The following RSRC1 variants were observed in gnomAD, a reference collection of about 807,000 sequenced individuals.
The protein encoded by RSRC1 is serine/Arginine-related protein 53.
In RSRC1, 39 loss-of-function variants were observed where a neutral mutation model predicts 49.1. That is an observed-to-expected ratio of 0.79 (90% confidence interval 0.61 to 1.04). The LOEUF (loss-of-function observed/expected upper bound fraction) is 1.04. Among genes scored for constraint, RSRC1 ranks in the 50% least tolerant of loss-of-function variants. The pLI, the probability that RSRC1 is intolerant of heterozygous loss-of-function variation, is 0.00. For synonymous variants in RSRC1, 143 were observed against 130.8 expected, an observed-to-expected ratio of 1.09 and a Z score of -0.63; for missense variants, 388 against 402.4, an observed-to-expected ratio of 0.96 and a Z score of 0.31.
At chr3:158,376,685 G>A (rs1022380772) in intron 6 of RSRC1, among the ~76,000 whole-genome samples, 1 of 152,140 alleles carries the variant, frequency 6.6e-6, no homozygotes, top group Non-Finnish European at 1.5e-5. Flanking sequence ...TTTGTGTGGT[G>A]TCAAGTGTTT....
At chr3:158,207,477 GGAGA>G (rs900928426) in intron 4 of RSRC1, among the ~76,000 whole-genome samples, 8 of 151,968 alleles carry the variant, frequency 5.3e-5, no homozygotes, top group East Asian at 1.9e-4. Flanking sequence ...AAAAATTTGT[GGAGA>G]GAGAGAGAGG....
At chr3:158,257,779 C>T (rs1724652334) in intron 4 of RSRC1, among the ~76,000 whole-genome samples, 1 of 151,922 alleles carries the variant, frequency 6.6e-6, no homozygotes, top group Non-Finnish European at 1.5e-5. Flanking sequence ...TATTTTCTTG[C>T]TTTTATTTTT....
chr3:158,456,626 G>C (rs1578502944), intron 6 of RSRC1, among the ~76,000 whole-genome samples: 1 of 152,168 alleles, frequency 6.6e-6, no homozygotes. Context: ...GTTGTTGATT[G>C]GGGAAGGCTT....
At chr3:158,372,556 T>C (rs576494433) in intron 6 of RSRC1, among the ~76,000 whole-genome samples, 22 of 151,970 alleles carry the variant, frequency 1.4e-4, no homozygotes, top group South Asian at 4.1e-4. Flanking sequence ...TAGTGCTGTA[T>C]GGAGTCTGGA....
At chr3:158,150,712 A>G (rs1329577285) in intron 3 of RSRC1, among the ~76,000 whole-genome samples, 2 of 152,224 alleles carry the variant, frequency 1.3e-5, no homozygotes, top group East Asian at 3.9e-4. Context: ...TGGAGCTAGA[A>G]TTGATCTTTA....
intron 7 of RSRC1, among the ~76,000 whole-genome samples, chr3:158,486,010 A>G (rs1046018196): frequency 4.6e-5 from 7 of 152,170 alleles, no homozygotes; most frequent in African/African-American, 1.4e-4. Context: ...CGTTCATTCA[A>G]AAGTGCTTGC....
chr3:158,119,152 C>A (rs1553757420), intron 1 of RSRC1, among the ~76,000 whole-genome samples: 1 of 152,132 alleles, frequency 6.6e-6, no homozygotes, highest in Non-Finnish European at 1.5e-5. Context: ...GACACTATTA[C>A]ATAAATTCAA....
rs1461634693 is a variant in RSRC1, at chr3:158,276,189, C to A, written c.495-21850C>A. The A allele has an allele frequency of 6.0e-6, 5 of 829,456 alleles. No homozygotes were observed. In the East Asian group the frequency reaches 7.3e-5, roughly 12 times the overall value. The allele number at this position is 829,456 out of a possible 1,614,324, so 51.4% of individuals were successfully genotyped here. The stretch of plus-strand genomic sequence containing the variant: ...ATGGACAGGCTTGCCATATGTTGCA[C>A]CCTTAGGAACTGGGCATTTTCGGCC... On this transcript the variant is annotated intron_variant, in intron 4 of 9. Transcript: ENST00000611884.
rs114976055 is a variant in RSRC1 at position 158,148,564 on chromosome 3, A to G, written c.320+24573A>G. 2.2e-3 allele frequency among the ~76,000 whole-genome samples: 332 copies of G among 152,212 alleles called. 2 individuals are homozygous for G. Among genetic ancestry groups the G allele is most frequent in the Middle Eastern group, 0.01 (3 of 294 alleles). On this transcript the variant is annotated intron_variant, in intron 3 of 9. Transcript: ENST00000611884. ...GTTTATTCATCTGTAAATTGGGGTT[A>G]CTAACTACTTTGCCAAGTTTTGAAT...
intron 7 of RSRC1, among the ~76,000 whole-genome samples, chr3:158,510,477 C>T (rs9819130): frequency 6.6e-6 from 1 of 151,790 alleles, no homozygotes; most frequent in African/African-American, 2.4e-5. Flanking sequence ...GAATTTCCCA[C>T]TTAAACTCTT....
intron 4 of RSRC1, among the ~76,000 whole-genome samples, chr3:158,287,380 A>G (rs2108092156): frequency 6.6e-6 from 1 of 152,306 alleles, no homozygotes; most frequent in South Asian, 2.1e-4. Flanking sequence ...GAATTTATTT[A>G]TGATTAAATA....
chr3:158,540,032 G>T (rs1016598661), intron 8 of RSRC1, among the ~76,000 whole-genome samples: 5 of 152,128 alleles, frequency 3.3e-5, no homozygotes, highest in Non-Finnish European at 5.9e-5. Flanking sequence ...GCTAAGATAC[G>T]CAGAATGATA....
intron 5 of RSRC1, among the ~76,000 whole-genome samples, chr3:158,324,097 C>G (rs114582857): frequency 0.039 from 5,999 of 152,138 alleles, 163 homozygotes; most frequent in East Asian, 0.089. Flanking sequence ...TTTGATACAG[C>G]TACATTATAC....
intron 4 of RSRC1, among the ~76,000 whole-genome samples, chr3:158,272,612 ATTAAT>A (rs1725582198): frequency 6.6e-6 from 1 of 152,080 alleles, no homozygotes; most frequent in Non-Finnish European, 1.5e-5. Flanking sequence ...ATTAAATTTG[ATTAAT>A]TTAAGTACAG....
intron 6 of RSRC1, among the ~76,000 whole-genome samples, chr3:158,428,335 T>A (rs1464465559): frequency 6.6e-6 from 1 of 151,856 alleles, no homozygotes; most frequent in Non-Finnish European, 1.5e-5. Context: ...AATTTTATCC[T>A]CATTGTTAAT....
At chr3:158,482,478 C>T (rs1738647596) in intron 7 of RSRC1, among the ~76,000 whole-genome samples, 1 of 152,008 alleles carries the variant, frequency 6.6e-6, no homozygotes, top group Non-Finnish European at 1.5e-5. Context: ...GATTTTTCAA[C>T]AGATGGAAGT....
intron 7 of RSRC1, among the ~76,000 whole-genome samples, chr3:158,500,882 T>A (rs1336732630): frequency 6.6e-6 from 1 of 152,186 alleles, no homozygotes; most frequent in Non-Finnish European, 1.5e-5. Flanking sequence ...ATCTTGGTTA[T>A]GTCCTTTCTT....
intron 7 of RSRC1, among the ~76,000 whole-genome samples, chr3:158,526,387 A>G (rs1449645487): frequency 6.6e-6 from 1 of 152,024 alleles, no homozygotes; most frequent in Non-Finnish European, 1.5e-5. Context: ...CTCTAATAGT[A>G]TATCTTAAAC....
intron 5 of RSRC1, among the ~76,000 whole-genome samples, chr3:158,331,110 G>T: frequency 6.6e-6 from 1 of 152,038 alleles, no homozygotes; most frequent in East Asian, 1.9e-4. Context: ...CCTCCCACTG[G>T]GTCCCTCCCA....
Sources: gnomAD v4.1 joint callset for allele counts (sites outside exome capture counted in the v4.1 genomes callset) on GRCh38, gnomAD v4.1.1 for gene constraint, MANE v1.5 for transcripts, NCBI Gene and HGNC (gene_info 2026-07-23, HGNC 2026-07-21) for gene names.